Variants in SCMH1 observed in about 807,000 individuals in gnomAD.
SCMH1 encodes the protein Scm polycomb group protein homolog 1.
In SCMH1, 37 loss-of-function variants were observed where a neutral mutation model predicts 70.8. That is an observed-to-expected ratio of 0.52 (90% CI 0.40 to 0.69). The LOEUF (loss-of-function observed/expected upper bound fraction) is 0.69. Ranked by LOEUF, SCMH1 falls within the 30% of genes least tolerant of loss-of-function variation. The pLI is 0.00. For missense variants in SCMH1, 607 were observed against 827.3 expected (o/e 0.73, Z 3.27); for synonymous variants, 292 against 307.4 (o/e 0.95, Z 0.52).
At chr1:41,219,046 T>C (rs1334612377) in intron 1 of SCMH1, among the ~76,000 whole-genome samples, 1 of 152,174 alleles carries the variant, frequency 6.6e-6, no homozygotes, top group Non-Finnish European at 1.5e-5. Context: ...GCCCAACCTC[T>C]GGGGCAGGGA....
chr1:41,146,041 T>C (rs1166598845), intron 5 of SCMH1, among the ~76,000 whole-genome samples: 1 of 152,136 alleles, frequency 6.6e-6, no homozygotes, highest in African/African-American at 2.4e-5. Context: ...TAGGAGGTAT[T>C]CCAGAAGAAG....
chr1:41,035,483 C>T, intron 13 of SCMH1, among the ~76,000 whole-genome samples: 1 of 152,142 alleles, frequency 6.6e-6, no homozygotes, highest in East Asian at 1.9e-4. Flanking sequence ...GTCCATTTTT[C>T]CCCATCTTCT....
chr1:41,151,825 A>G (rs1210258914), intron 4 of SCMH1, 141 bp from the exon 5 acceptor site: 2 of 500,278 alleles, frequency 4.0e-6, no homozygotes, highest in Non-Finnish European at 7.3e-6. Context: ...TTGAGCTCAA[A>G]GGAGTATTAA....
At chr1:41,215,431 T>C (rs897257717) in intron 1 of SCMH1, among the ~76,000 whole-genome samples, 12 of 152,186 alleles carry the variant, frequency 7.9e-5, no homozygotes, top group African/African-American at 2.4e-4. Context: ...TGGCCCCTTA[T>C]TATGTCTCCA....
At chr1:41,231,807 G>A (rs1006289861) in intron 1 of SCMH1, among the ~76,000 whole-genome samples, 2 of 152,080 alleles carry the variant, frequency 1.3e-5, no homozygotes, top group African/African-American at 2.4e-5. Context: ...CAGATCACGA[G>A]GTCAGGAGTT....
At chr1:41,139,977 T>C (rs1643895919) in intron 6 of SCMH1, among the ~76,000 whole-genome samples, 1 of 152,194 alleles carries the variant, frequency 6.6e-6, no homozygotes, top group Admixed American at 6.5e-5. Context: ...AAGTTGGTGG[T>C]ACAGTCACTT....
intron 1 of SCMH1, among the ~76,000 whole-genome samples, chr1:41,220,865 T>C (rs1163600325): frequency 6.6e-6 from 1 of 152,200 alleles, no homozygotes; most frequent in Non-Finnish European, 1.5e-5. Context: ...TTGACACAGG[T>C]TGGAACCAGG....
Position 41,034,050 on chromosome 1 carries a change from T to C in SCMH1, c.1678+3312A>G, listed in dbSNP as rs951150197. ...TTTCATTTGATCCTTTTAACACTCC[T>C]GTGGAAAGACCAGGTTGGTGTCACC... On this transcript the variant is annotated intron_variant, in intron 13 of 14. Transcript: ENST00000337495. 21 of 1,606,166 alleles carry C rather than the reference T, an allele frequency of 1.3e-5. No individual in the cohort carries two copies. Among genetic ancestry groups the C allele is most frequent in the Non-Finnish European group, 1.5e-5 (18 of 1,176,036 alleles).
At chr1:41,201,798 A>T (rs10749797) in intron 1 of SCMH1, among the ~76,000 whole-genome samples, 145,680 of 151,946 alleles carry the variant, frequency 0.96, 69,871 homozygotes, top group Middle Eastern at 0.98. Flanking sequence ...TGATTTTTTT[A>T]AAAAAAATTA....
chr1:41,170,725 G>C (rs1224302200), intron 2 of SCMH1, among the ~76,000 whole-genome samples: 2 of 152,068 alleles, frequency 1.3e-5, no homozygotes, highest in East Asian at 3.9e-4. Context: ...GAAAATTTAA[G>C]AGTTATCTGC....
At chr1:41,149,313 A>G (rs1219088604) in intron 5 of SCMH1, among the ~76,000 whole-genome samples, 2 of 152,136 alleles carry the variant, frequency 1.3e-5, no homozygotes, top group Non-Finnish European at 2.9e-5. Context: ...CATTAATCCA[A>G]TCTAGTGTAT....
At chr1:41,231,497 A>C (rs1415568998) in intron 1 of SCMH1, among the ~76,000 whole-genome samples, 1 of 152,202 alleles carries the variant, frequency 6.6e-6, no homozygotes, top group Non-Finnish European at 1.5e-5. Context: ...ATTTTACATT[A>C]GTATGGCATA....
intron 11 of SCMH1, among the ~76,000 whole-genome samples, chr1:41,047,431 C>G (rs1209609996): frequency 7.4e-6 from 1 of 134,714 alleles, no homozygotes; most frequent in African/African-American, 2.8e-5. Context: ...GAGTCTTGCT[C>G]TGTCACCCAG....
chr1:41,197,697 A>C (rs988414891), intron 1 of SCMH1, among the ~76,000 whole-genome samples: 1 of 151,646 alleles, frequency 6.6e-6, no homozygotes, highest in African/African-American at 2.4e-5. Context: ...GCCACAATTA[A>C]AAAAAAACAG....
intron 1 of SCMH1, among the ~76,000 whole-genome samples, chr1:41,241,130 C>G (rs1663421504): frequency 6.6e-6 from 1 of 152,214 alleles, no homozygotes; most frequent in Non-Finnish European, 1.5e-5. Flanking sequence ...TAAAGAGATT[C>G]GCTTCGGATC....
chr1:41,223,095 T>C (rs904393614), intron 1 of SCMH1, among the ~76,000 whole-genome samples: 1 of 152,208 alleles, frequency 6.6e-6, no homozygotes, highest in African/African-American at 2.4e-5. Flanking sequence ...CCCTGTCGGA[T>C]AAAATTGTGG....
At chr1:41,195,194 G>T (rs891926547) in intron 1 of SCMH1, among the ~76,000 whole-genome samples, 20 of 146,548 alleles carry the variant, frequency 1.4e-4, no homozygotes, top group Admixed American at 2.1e-4. Flanking sequence ...TTACCAGGCC[G>T]TGTGGCCTCT....
intron 8 of SCMH1, among the ~76,000 whole-genome samples, chr1:41,093,142 G>C (rs1664114772): frequency 6.6e-6 from 1 of 151,982 alleles, no homozygotes; most frequent in African/African-American, 2.4e-5. Context: ...ATCAATGATA[G>C]ACTGGATTAA....
intron 7 of SCMH1, among the ~76,000 whole-genome samples, chr1:41,114,066 C>T (rs1669865408): frequency 6.6e-6 from 1 of 152,170 alleles, no homozygotes; most frequent in South Asian, 2.1e-4. Flanking sequence ...CCTTTGGACA[C>T]TTAAAGATCT....
Sources: allele counts gnomAD v4.1 joint callset (sites outside exome capture counted in the v4.1 genomes callset), GRCh38; gene constraint gnomAD v4.1.1; transcripts MANE v1.5; gene names NCBI Gene and HGNC (gene_info 2026-07-23, HGNC 2026-07-21).